Variants in A2M observed in about 807,000 individuals in gnomAD.
A2M encodes the protein alpha-2-macroglobulin.
Under a neutral mutation model 183.9 loss-of-function variants are expected in A2M, and 128 were observed. The observed-to-expected ratio is 0.70, with a 90% CI of 0.60 to 0.81. The LOEUF (loss-of-function observed/expected upper bound fraction) is 0.81. A2M is among the 30% of genes least tolerant of loss of function. The probability of loss-of-function intolerance (pLI) is 0.00; values close to 1 mark genes in which losing one functional copy is unlikely to be tolerated. For synonymous variants in A2M, 592 were observed against 670.8 expected, an observed-to-expected ratio of 0.88 and a Z score of 1.81; for missense variants, 1,495 against 1,787.6, an observed-to-expected ratio of 0.84 and a Z score of 2.95.
At chr12:9,103,877 T>A (rs1355884930) in intron 11 of A2M, among the ~76,000 whole-genome samples, 1 of 152,204 alleles carries the variant, frequency 6.6e-6, no homozygotes, top group Admixed American at 6.5e-5. Flanking sequence ...TGAACACGGG[T>A]GTGCAAATAG....
At position 9,106,363 on chromosome 12, in the gene A2M, A is replaced by T; in HGVS notation, c.995-18T>A. The T allele has an allele frequency of 6.4e-7, 1 of 1,562,666 alleles. No homozygotes were observed. The highest frequency in any genetic ancestry group is 8.8e-7 in the Non-Finnish European group (1 of 1,139,660). On this transcript the variant is annotated intron_variant, in intron 9 of 35. Transcript: ENST00000318602. ...TTCCACCACTGAAAAAAGAGAAAAAAATCTGTTATTTTTGGGAAGAATGAT... is the reference window on the plus strand; with the variant it reads ...TTCCACCACTGAAAAAAGAGAAAAATATCTGTTATTTTTGGGAAGAATGAT...
Position 9,079,300 on chromosome 12 carries a change from A to C in A2M, c.3063T>G (p.Tyr1021Ter), listed in dbSNP as rs1487711203. ...GYQRQLNYKH[Y>*]DGSYSTFGER... Reference sequence around the variant, plus strand: ...CCCCAAAGGTGCTGTAGGAGCCATCATAGTGTTTGTAGTTCAACTGTCTCT... The same window carrying C: ...CCCCAAAGGTGCTGTAGGAGCCATCCTAGTGTTTGTAGTTCAACTGTCTCT... Residue 1021 changes from tyrosine (Y) to a stop codon, truncating the protein, a stop_gained, in exon 25 of 36, where the codon TAT becomes TAG. Coordinates refer to ENST00000318602, the MANE Select transcript of A2M (RefSeq NM_000014.6). LOFTEE classifies it high-confidence loss of function. The C allele has an allele frequency of 1.2e-6, 2 of 1,613,714 alleles. No homozygotes were observed. The highest frequency in any genetic ancestry group is 2.2e-5 in the East Asian group (1 of 44,886).
In A2M at chr12:9,099,530, C is replaced by T. The variant is rs1255112138; in HGVS notation, c.1559-7G>A. 6.2e-7 allele frequency: 1 copy of T among 1,604,492 alleles called. No homozygotes were observed. Among genetic ancestry groups the T allele is most frequent in the Admixed American group, 1.7e-5 (1 of 58,764 alleles). On this transcript the variant is annotated splice_region_variant and splice_polypyrimidine_tract_variant and intron_variant, in intron 13 of 35. Coordinates refer to ENST00000318602, the MANE Select transcript of A2M (RefSeq NM_000014.6). ...ATGGAAAAATGGCCCTTCACTGGGG[C>T]ACAAAGAGAATGAGAGGAAGCCATC...
Position 9,092,369 on chromosome 12 carries a change from G to A in A2M, c.2241-940C>T, listed in dbSNP as rs1397855588. Among the ~76,000 whole-genome samples, 4 of 152,116 alleles carry A rather than the reference G, an allele frequency of 2.6e-5. No homozygotes were observed. In the East Asian group the frequency reaches 7.7e-4, roughly 29 times the overall value. On this transcript the variant is annotated intron_variant, in intron 18 of 35. Transcript: ENST00000318602. Reference sequence around the variant, plus strand: ...TCCCTAGACCACAGTGAACACAGAGGTGGTTTTAAATAGGCCTTTGAGCAA... The same window carrying A: ...TCCCTAGACCACAGTGAACACAGAGATGGTTTTAAATAGGCCTTTGAGCAA...
chr12:9,074,834 T>C, intron 28 of A2M, 51 bp from the exon 29 acceptor site: 2 of 1,535,382 alleles, frequency 1.3e-6, no homozygotes, highest in Non-Finnish European at 1.8e-6. Flanking sequence ...TTATATTTAA[T>C]TCAAGGTGAA....
In A2M at chr12:9,089,964, C is replaced by T; in HGVS notation, c.2656G>A (p.Glu886Lys). 1 of 1,611,856 alleles carries T rather than the reference C, an allele frequency of 6.2e-7. No homozygotes were observed. Among genetic ancestry groups the T allele is most frequent in the Non-Finnish European group, 8.5e-7 (1 of 1,178,250 alleles). Reference protein sequence around the residue: ...ALESQELCGTEVPSVPEHGRK... With the variant: ...ALESQELCGTKVPSVPEHGRK... Reference sequence around the variant, plus strand: ...CCGTGTTCAGGAACTGAAGGCACCTCAGTCCCACACAGCTCTTGAGACTCT... The same window carrying T: ...CCGTGTTCAGGAACTGAAGGCACCTTAGTCCCACACAGCTCTTGAGACTCT... The change falls in exon 21 of 36, where the codon GAG (glutamate) becomes AAG (lysine). Residue 886 changes from glutamate (E) to lysine (K), a missense_variant. Physicochemically the swap from Glu to Lys is moderately conservative, Grantham distance 56. Transcript: ENST00000318602.
chr12:9,115,451 A>C, intron 1 of A2M: 1 of 197,204 alleles, frequency 5.1e-6, no homozygotes, highest in South Asian at 9.6e-5. Context: ...AGAAAGAGGA[A>C]ATAAGAAAAG....
At chr12:9,109,426 A>C in intron 6 of A2M, 21 bp from the exon 7 acceptor site, 1 of 1,592,794 alleles carries the variant, frequency 6.3e-7, no homozygotes, top group Non-Finnish European at 8.6e-7. Context: ...GTGATAAAGA[A>C]GGTTGGTGAT....
intron 19 of A2M, among the ~76,000 whole-genome samples, chr12:9,090,841 T>G (rs1051024294): frequency 6.6e-6 from 1 of 152,180 alleles, no homozygotes; most frequent in Non-Finnish European, 1.5e-5. Context: ...AAAGGTAAGA[T>G]GCTCACAAAC....
Position 9,101,562 on chromosome 12 carries a change from T to G in A2M, c.1379A>C (p.His460Pro). The change falls in exon 12 of 36, where the codon CAC becomes CCC. Residue 460 changes from histidine to proline, a missense_variant. His to Pro is a moderately conservative substitution (Grantham distance 77, BLOSUM62 -2). Coordinates refer to ENST00000318602, the MANE Select transcript of A2M (RefSeq NM_000014.6). ...LVFSPSKSFV[H>P]LEPMSHELPC... ...TAGTTCATGAGACATGGGCTCAAGG[T>G]GGACAAAGCTCTTGCTTGGGGAGAA... 6.2e-7 allele frequency: 1 copy of G among 1,613,952 alleles called. No individual in the cohort carries two copies. The highest frequency in any genetic ancestry group is 8.5e-7 in the Non-Finnish European group (1 of 1,179,886).
chr12:9,106,173 A>G, intron 10 of A2M, 63 bp downstream of exon 10: 1 of 965,418 alleles, frequency 1.0e-6, no homozygotes, highest in South Asian at 1.5e-5. Context: ...AGCACAAACC[A>G]TAACTATTGT....
At chr12:9,112,770 C>T in intron 2 of A2M, 1 of 511,486 alleles carries the variant, frequency 2.0e-6, no homozygotes. Flanking sequence ...GAGATTCACA[C>T]CTTCATACAG....
chr12:9,090,096 A>AT, intron 20 of A2M, 73 bp from the exon 21 acceptor site: 7 of 1,549,022 alleles, frequency 4.5e-6, no homozygotes, highest in Non-Finnish European at 6.1e-6. Context: ...AGATTTAGAA[A>AT]TGTTCAATGC....
At chr12:9,088,029 C>CG (rs1234516904) in intron 22 of A2M, among the ~76,000 whole-genome samples, 1 of 151,764 alleles carries the variant, frequency 6.6e-6, no homozygotes, top group African/African-American at 2.4e-5. Context: ...AAAAGCAATT[C>CG]CAAGGAAAGA....
intron 11 of A2M, among the ~76,000 whole-genome samples, chr12:9,102,932 G>C (rs1210378068): frequency 6.6e-6 from 1 of 152,034 alleles, no homozygotes; most frequent in African/African-American, 2.4e-5. Context: ...AAACTCTAAA[G>C]AGGCAGGCGT....
rs761938487 is a variant in A2M at position 9,106,564 on chromosome 12, C to G, written c.921G>C (p.Lys307Asn). 6 of 1,593,104 alleles carry G rather than the reference C, an allele frequency of 3.8e-6. No homozygotes were observed. The highest frequency in any genetic ancestry group is 5.1e-6 in the Non-Finnish European group (6 of 1,168,088). ...HGCFYQQVKT[K>N]VFQLKRKEYE... ...ACTCCTTCCTCTTCAGCTGGAAGACCTTGGTTTTTACTTGCTGATAGAAGC... is the reference window on the plus strand; with the variant it reads ...ACTCCTTCCTCTTCAGCTGGAAGACGTTGGTTTTTACTTGCTGATAGAAGC... Residue 307 changes from lysine (K) to asparagine (N), a missense_variant, in exon 9 of 36, where the codon AAG (lysine) becomes AAC (asparagine). Transcript: ENST00000318602.
intron 17 of A2M, among the ~76,000 whole-genome samples, chr12:9,094,442 A>G (rs1949312751): frequency 6.7e-6 from 1 of 149,914 alleles, no homozygotes. Flanking sequence ...TTTATAAATA[A>G]TAAAATATGC....
In A2M at chr12:9,070,561, G is replaced by T; in HGVS notation, c.4121C>A (p.Ser1374Tyr). 6.2e-7 allele frequency: 1 copy of T among 1,613,636 alleles called. No individual in the cohort carries two copies. The highest frequency in any genetic ancestry group is 1.1e-5 in the South Asian group (1 of 90,972). ...SLSVSYTGSR[S>Y]ASNMAIVDVK... is the part of the protein sequence containing the mutation. The stretch of plus-strand genomic sequence containing the variant: ...ATCAACGATCGCCATGTTGGAGGCA[G>T]AGCGGCTCCCTGTGTAACTGAGGAT... Residue 1374 changes from serine to tyrosine, a missense_variant, in exon 32 of 36, where the codon TCT (serine) becomes TAT (tyrosine). By Grantham distance (144) the Ser-to-Tyr change is moderately radical. Coordinates refer to ENST00000318602, the MANE Select transcript of A2M (RefSeq NM_000014.6).
At chr12:9,077,198 C>A in intron 27 of A2M, 148 bp downstream of exon 27, 1 of 853,612 alleles carries the variant, frequency 1.2e-6, no homozygotes, top group South Asian at 2.0e-5. Flanking sequence ...ATGGGCTGAC[C>A]AAATTCTCTG....
Sources: allele counts gnomAD v4.1 joint callset (sites outside exome capture counted in the v4.1 genomes callset), GRCh38; gene constraint gnomAD v4.1.1; transcripts MANE v1.5; gene names NCBI Gene and HGNC (gene_info 2026-07-23, HGNC 2026-07-21).